The following LNPEP variants were observed in gnomAD, a reference collection of about 807,000 sequenced individuals.
LNPEP encodes leucyl and cystinyl aminopeptidase.
In LNPEP, 64 loss-of-function variants were observed where a neutral mutation model predicts 120.6. The observed-to-expected ratio is 0.53, with a 90% CI of 0.43 to 0.65. The LOEUF is 0.65. LNPEP is among the 30% of genes least tolerant of loss of function. The pLI is 0.00. For missense variants in LNPEP, 1,057 were observed against 1,200.0 expected (o/e 0.88, Z 1.76); for synonymous variants, 435 against 425.4 (o/e 1.02, Z -0.28).
intron 1 of LNPEP, among the ~76,000 whole-genome samples, chr5:96,976,875 G>T (rs962019885): frequency 6.6e-6 from 1 of 151,492 alleles, no homozygotes; most frequent in South Asian, 2.1e-4. Flanking sequence ...TATTTGCTCT[G>T]TTAATGAAGT....
At chr5:97,021,972 C>A (rs904204415) in intron 13 of LNPEP, among the ~76,000 whole-genome samples, 2 of 128,632 alleles carry the variant, frequency 1.6e-5, no homozygotes, top group Non-Finnish European at 3.1e-5. Context: ...TGCTCTGTTG[C>A]CCAGACTGGC....
In LNPEP at chr5:96,979,659, C is replaced by T. The variant is rs142895005; in HGVS notation, c.541C>T (p.Leu181=). The T allele has an allele frequency of 1.7e-4, 269 of 1,614,094 alleles. No individual in the cohort carries two copies. Among genetic ancestry groups the T allele is most frequent in the Middle Eastern group, 3.3e-4 (2 of 6,060 alleles). The change falls in exon 2 of 18, where the codon CTA becomes TTA. Residue 181 remains leucine (L), a synonymous_variant. Coordinates refer to ENST00000231368, the MANE Select transcript of LNPEP (RefSeq NM_005575.3). ...AVVPLRYELS[L]HPNLTSMTFR... The stretch of plus-strand genomic sequence containing the variant: ...TGTGCCACTACGCTATGAACTCAGC[C>T]TACACCCGAACCTAACCTCGATGAC...
chr5:97,030,967 T>C lies in LNPEP; in HGVS notation c.*2434T>C, dbSNP rs1290571259. The C allele has an allele frequency of 6.6e-6, 1 of 151,988 alleles. No individual in the cohort carries two copies. Among genetic ancestry groups the C allele is most frequent in the African/African-American group, 2.4e-5 (1 of 41,390 alleles). 9.4% of individuals were successfully genotyped at this position (151,988 alleles called of 1,614,324 possible). ...AAGGTTAAATGAGAGGTAGAACTTG[T>C]AGTGTAATAGGTATAATGGTAGCTT... On this transcript the variant is annotated 3_prime_UTR_variant, in exon 18 of 18. Transcript: ENST00000231368.
chr5:97,003,816 C>A (rs1271730756), intron 9 of LNPEP, among the ~76,000 whole-genome samples: 1 of 149,628 alleles, frequency 6.7e-6, no homozygotes, highest in Non-Finnish European at 1.5e-5. Flanking sequence ...AACTTCTATT[C>A]CTATTTTGTA....
chr5:97,033,034 A>G lies in LNPEP; in HGVS notation c.*4501A>G, dbSNP rs899613359. On this transcript the variant is annotated 3_prime_UTR_variant, in exon 18 of 18. Coordinates refer to ENST00000231368, the MANE Select transcript of LNPEP (RefSeq NM_005575.3). Reference sequence around the variant, plus strand: ...CTCTTTTCCCTTTTCCTTACTGCCTATTTAGGCAATAGCTAATAGAGTAGT... The same window carrying G: ...CTCTTTTCCCTTTTCCTTACTGCCTGTTTAGGCAATAGCTAATAGAGTAGT... 6.6e-6 allele frequency: 1 copy of G among 152,216 alleles called. No homozygotes were observed. Among genetic ancestry groups the G allele is most frequent in the African/African-American group, 2.4e-5 (1 of 41,450 alleles). 9.4% of individuals were successfully genotyped at this position (152,216 alleles called of 1,614,324 possible). A position where few individuals can be genotyped will look rare whatever the true frequency, so the allele number is the denominator to read the frequency against.
At position 96,954,768 on chromosome 5, in the gene LNPEP, A is replaced by T. The variant is rs1265119968; in HGVS notation, c.19+18594A>T. Among the ~76,000 whole-genome samples the T allele has an allele frequency of 9.2e-3, 333 of 36,092 alleles. 97 individuals are homozygous for T. Among genetic ancestry groups the T allele is most frequent in the Non-Finnish European group, 0.015 (254 of 16,520 alleles). The allele number at this position is 36,092 out of a possible 152,430, so 23.7% of individuals were successfully genotyped here. ...TATACACATATATATATATATATAT[A>T]TATATTTTTTTTTTTTTTTTTTTTT... On this transcript the variant is annotated intron_variant, in intron 1 of 17. Coordinates refer to ENST00000231368, the MANE Select transcript of LNPEP (RefSeq NM_005575.3).
intron 2 of LNPEP, among the ~76,000 whole-genome samples, chr5:96,982,129 G>A (rs1472556112): frequency 6.6e-6 from 1 of 152,080 alleles, no homozygotes; most frequent in East Asian, 1.9e-4. Context: ...GGCACATAAA[G>A]TAACTTATCC....
intron 4 of LNPEP, among the ~76,000 whole-genome samples, chr5:96,987,356 T>C (rs1272686126): frequency 1.3e-5 from 2 of 152,198 alleles, no homozygotes; most frequent in African/African-American, 4.8e-5. Context: ...AAAGGCATTC[T>C]ATCATATTTA....
intron 16 of LNPEP, among the ~76,000 whole-genome samples, 157 bp from the exon 17 acceptor site, chr5:97,027,576 A>C (rs1344465150): frequency 6.6e-6 from 1 of 152,048 alleles, no homozygotes; most frequent in South Asian, 2.1e-4. Context: ...TCCCACCGAC[A>C]ATAAGTATGC....
chr5:96,953,780 G>C (rs1454654379), intron 1 of LNPEP, among the ~76,000 whole-genome samples: 2 of 152,076 alleles, frequency 1.3e-5, no homozygotes, highest in Non-Finnish European at 2.9e-5. Flanking sequence ...ACAAATCTAT[G>C]TCTTAGTTTA....
At position 97,031,534 on chromosome 5, in the gene LNPEP, A is replaced by G. The variant is rs1007607989; in HGVS notation, c.*3001A>G. ...AGAAGACTCCTGGGTGTACAGAGCAAATCAAGCTGCATCAGTATTATAGGA... is the reference window on the plus strand; with the variant it reads ...AGAAGACTCCTGGGTGTACAGAGCAGATCAAGCTGCATCAGTATTATAGGA... On this transcript the variant is annotated 3_prime_UTR_variant, in exon 18 of 18. Transcript: ENST00000231368. The G allele has an allele frequency of 6.6e-6, 1 of 152,218 alleles. No homozygotes were observed. The highest frequency in any genetic ancestry group is 2.4e-5 in the African/African-American group (1 of 41,460). The allele number at this position is 152,218 out of a possible 1,614,324, so 9.4% of individuals were successfully genotyped here.
intron 17 of LNPEP, among the ~76,000 whole-genome samples, chr5:97,028,175 T>G (rs968771875): frequency 6.6e-6 from 1 of 152,222 alleles, no homozygotes; most frequent in African/African-American, 2.4e-5. Flanking sequence ...GTTAGAAAAA[T>G]GTATCTGTGT....
chr5:96,989,621 C>T (rs576471486), intron 4 of LNPEP, among the ~76,000 whole-genome samples: 2 of 151,356 alleles, frequency 1.3e-5, no homozygotes, highest in African/African-American at 2.4e-5. Context: ...GCCTGAGTGC[C>T]GATTGACTTT....
At chr5:96,954,296 A>G (rs922872138) in intron 1 of LNPEP, among the ~76,000 whole-genome samples, 8 of 152,206 alleles carry the variant, frequency 5.3e-5, no homozygotes, top group Non-Finnish European at 7.3e-5. Context: ...AAAGTAGATG[A>G]TATACCTACC....
At chr5:96,972,389 C>G (rs1033868407) in intron 1 of LNPEP, among the ~76,000 whole-genome samples, 1 of 152,198 alleles carries the variant, frequency 6.6e-6, no homozygotes, top group East Asian at 1.9e-4. Context: ...GTTCTCTTTG[C>G]TCTGGCTGGG....
intron 1 of LNPEP, chr5:96,958,357 C>T: frequency 4.5e-6 from 2 of 446,734 alleles, no homozygotes; most frequent in Non-Finnish European, 5.9e-6. Context: ...CTGATCTTCT[C>T]AGAATTGCTT....
intron 1 of LNPEP, among the ~76,000 whole-genome samples, chr5:96,954,856 C>T (rs1789425083): frequency 7.4e-6 from 1 of 135,264 alleles, no homozygotes; most frequent in African/African-American, 2.8e-5. Flanking sequence ...GATCTCGGCT[C>T]ACTGCAAGCT....
chr5:96,973,350 AT>A (rs1022208149), intron 1 of LNPEP, among the ~76,000 whole-genome samples: 20 of 151,940 alleles, frequency 1.3e-4, no homozygotes, highest in Non-Finnish European at 2.1e-4. Flanking sequence ...AAAAAATAGA[AT>A]TTTTTTTGAT....
intron 13 of LNPEP, among the ~76,000 whole-genome samples, chr5:97,016,849 C>T (rs1451000422): frequency 6.6e-6 from 1 of 152,102 alleles, no homozygotes; most frequent in Non-Finnish European, 1.5e-5. Context: ...CCAATATCGA[C>T]TTTCTAGTGT....
Sources: gnomAD v4.1 joint callset for allele counts (sites outside exome capture counted in the v4.1 genomes callset) on GRCh38, gnomAD v4.1.1 for gene constraint, MANE v1.5 for transcripts, NCBI Gene and HGNC (gene_info 2026-07-23, HGNC 2026-07-21) for gene names.